FOXN3: variants seen among roughly 807,000 people sequenced by gnomAD.
FOXN3 encodes forkhead box protein N3.
In FOXN3, 7 loss-of-function variants were observed where a neutral mutation model predicts 38.4. The ratio of observed to expected loss-of-function variants is 0.18; its 90% CI spans 0.10 to 0.34. The LOEUF (loss-of-function observed/expected upper bound fraction) is 0.34, where lower values mean the gene tolerates loss of function less well. Among genes scored for constraint, FOXN3 ranks in the 10% least tolerant of loss-of-function variants. FOXN3 has a pLI of 1.00. For missense variants in FOXN3, 456 were observed against 613.4 expected, an observed-to-expected ratio of 0.74 and a Z score of 2.71; for synonymous variants, 230 against 242.2, an observed-to-expected ratio of 0.95 and a Z score of 0.47.
intron 4 of FOXN3, among the ~76,000 whole-genome samples, chr14:89,257,821 T>C (rs1412824885): frequency 6.6e-6 from 1 of 152,214 alleles, no homozygotes; most frequent in East Asian, 1.9e-4. Flanking sequence ...TGAGACTGGC[T>C]TGGTCCTCGA....
At chr14:89,285,210 TG>T (rs1437710824) in intron 3 of FOXN3, among the ~76,000 whole-genome samples, 3 of 152,158 alleles carry the variant, frequency 2.0e-5, no homozygotes, top group African/African-American at 7.2e-5. Context: ...CTGCCAAATG[TG>T]AACTAGGACC....
chr14:89,511,126 T>C (rs61229426), intron 1 of FOXN3, among the ~76,000 whole-genome samples: 5,110 of 36,192 alleles, frequency 0.14, 879 homozygotes, highest in Non-Finnish European at 0.29. Context: ...CTTGGTGTCT[T>C]TCTTTCTTTC....
chr14:89,184,445 T>C (rs1356801550), intron 4 of FOXN3, among the ~76,000 whole-genome samples: 2 of 152,134 alleles, frequency 1.3e-5, no homozygotes, highest in Non-Finnish European at 2.9e-5. Context: ...ACTCAGAACA[T>C]GTAAGCATCA....
At chr14:89,598,586 CATG>C (rs992941314) in intron 1 of FOXN3, among the ~76,000 whole-genome samples, 5 of 152,180 alleles carry the variant, frequency 3.3e-5, no homozygotes, top group Non-Finnish European at 5.9e-5. Context: ...TGCTCAGCCT[CATG>C]ATAAGTTTTT....
At chr14:89,405,834 T>C (rs528596144) in intron 2 of FOXN3, among the ~76,000 whole-genome samples, 1 of 152,250 alleles carries the variant, frequency 6.6e-6, no homozygotes, top group South Asian at 2.1e-4. Flanking sequence ...AGAGAGATCA[T>C]CTACAATGTC....
At chr14:89,561,792 T>A (rs1895254636) in intron 1 of FOXN3, among the ~76,000 whole-genome samples, 1 of 152,286 alleles carries the variant, frequency 6.6e-6, no homozygotes, top group South Asian at 2.1e-4. Flanking sequence ...ATCTAGGAAG[T>A]AGGAGTTTAA....
chr14:89,464,138 A>T (rs193255209), intron 1 of FOXN3, among the ~76,000 whole-genome samples: 1 of 152,138 alleles, frequency 6.6e-6, no homozygotes, highest in Admixed American at 6.5e-5. Context: ...GACAGAGTGG[A>T]TCCCAGTCTC....
intron 3 of FOXN3, chr14:89,350,445 C>A (rs1888924723): frequency 1.1e-5 from 4 of 373,326 alleles, no homozygotes; most frequent in Non-Finnish European, 1.4e-5. Context: ...CATGATTTCA[C>A]CCACCATGAA....
At chr14:89,552,765 A>T (rs377205151) in intron 1 of FOXN3, among the ~76,000 whole-genome samples, 7 of 151,576 alleles carry the variant, frequency 4.6e-5, no homozygotes, top group African/African-American at 1.7e-4. Flanking sequence ...AGGCTGAGAC[A>T]GGAGAATCGC....
At chr14:89,330,881 C>T (rs1344480193) in intron 3 of FOXN3, among the ~76,000 whole-genome samples, 1 of 152,192 alleles carries the variant, frequency 6.6e-6, no homozygotes, top group Non-Finnish European at 1.5e-5. Flanking sequence ...GGGAGCCTGT[C>T]CTGTTTGCCT....
At position 89,401,689 on chromosome 14, in the gene FOXN3, T is replaced by G. The variant is rs770274395; in HGVS notation, c.543+10245A>C. On this transcript the variant is annotated intron_variant, in intron 2 of 5. Coordinates refer to ENST00000557258, the MANE Select transcript of FOXN3 (RefSeq NM_005197.4). ...CTTGGCCTTCTAAAAACAAAGCATGTGCACATGTTCTGCTAGGTGGGTGTT... is the reference window on the plus strand; with the variant it reads ...CTTGGCCTTCTAAAAACAAAGCATGGGCACATGTTCTGCTAGGTGGGTGTT... The G allele has an allele frequency of 2.9e-5, 13 of 455,884 alleles. 1 individual carries two copies. The highest frequency in any genetic ancestry group is 2.0e-4 in the South Asian group (13 of 64,542). The allele number at this position is 455,884 out of a possible 1,614,324, so 28.2% of individuals were successfully genotyped here. A position where few individuals can be genotyped will look rare whatever the true frequency, so the allele number is the denominator to read the frequency against.
chr14:89,456,475 C>T (rs532640588), intron 1 of FOXN3, among the ~76,000 whole-genome samples: 25 of 152,240 alleles, frequency 1.6e-4, no homozygotes, highest in African/African-American at 5.8e-4. Context: ...TAAATGAGGC[C>T]GGGTGCAGTG....
intron 1 of FOXN3, among the ~76,000 whole-genome samples, chr14:89,537,382 G>C (rs1350859321): frequency 6.6e-6 from 1 of 152,136 alleles, no homozygotes; most frequent in Non-Finnish European, 1.5e-5. Context: ...TGGAATGTTT[G>C]ATGAATGAAT....
chr14:89,545,543 C>T (rs969708604), intron 1 of FOXN3, among the ~76,000 whole-genome samples: 7 of 152,172 alleles, frequency 4.6e-5, no homozygotes, highest in Admixed American at 2.0e-4. Context: ...TCCATTACAC[C>T]GTTAGTCAGT....
chr14:89,167,562 A>G (rs909700411), intron 5 of FOXN3, among the ~76,000 whole-genome samples: 1 of 152,220 alleles, frequency 6.6e-6, no homozygotes, highest in Non-Finnish European at 1.5e-5. Flanking sequence ...TTGAAAATCA[A>G]CTGCAAGTAG....
chr14:89,597,727 T>C (rs1408460865), intron 1 of FOXN3, among the ~76,000 whole-genome samples: 1 of 152,202 alleles, frequency 6.6e-6, no homozygotes, highest in Non-Finnish European at 1.5e-5. Context: ...CTTACAGTTA[T>C]GCGATCTTTC....
rs551447161 is a variant in FOXN3, at chr14:89,345,060, G to C, written c.680+5612C>G. 1.0e-3 allele frequency among the ~76,000 whole-genome samples: 156 copies of C among 151,308 alleles called. 1 individual carries two copies. The highest frequency in any genetic ancestry group is 3.7e-3 in the African/African-American group (154 of 41,202). ...TAGATTCCCCAAGCAAGCTGGCGTG[G>C]CTCGGTGTGCATGAGTAGCCCGAGC... On this transcript the variant is annotated intron_variant, in intron 3 of 5. Coordinates refer to ENST00000557258, the MANE Select transcript of FOXN3 (RefSeq NM_005197.4).
intron 1 of FOXN3, among the ~76,000 whole-genome samples, chr14:89,542,026 G>A (rs1189126898): frequency 6.6e-6 from 1 of 152,082 alleles, no homozygotes; most frequent in Non-Finnish European, 1.5e-5. Flanking sequence ...TTCAGGGCGA[G>A]TCCGAAGTGC....
At position 89,289,308 on chromosome 14, in the gene FOXN3, C is replaced by A. The variant is rs190764730; in HGVS notation, c.681-8294G>T. Among the ~76,000 whole-genome samples, 740 of 152,152 alleles carry A rather than the reference C, an allele frequency of 4.9e-3. 3 individuals are homozygous for A. The highest frequency in any genetic ancestry group is 8.0e-3 in the Non-Finnish European group (547 of 68,016). On this transcript the variant is annotated intron_variant, in intron 3 of 5. Coordinates refer to ENST00000557258, the MANE Select transcript of FOXN3 (RefSeq NM_005197.4). ...TAGGCTTTAGGAGAAGTAATACATC[C>A]ATGGCTTTTCTCATGTTCATTTTTG...
Sources: allele counts gnomAD v4.1 joint callset (sites outside exome capture counted in the v4.1 genomes callset), GRCh38; gene constraint gnomAD v4.1.1; transcripts MANE v1.5; gene names NCBI Gene and HGNC (gene_info 2026-07-23, HGNC 2026-07-21).